NEMP2: variants seen among roughly 807,000 people sequenced by gnomAD.
NEMP2 encodes UPF0571 transmembrane protein.
Under a neutral mutation model 54.2 loss-of-function variants are expected in NEMP2, and 53 were observed. That is an observed-to-expected ratio of 0.98 (90% CI 0.78 to 1.23). NEMP2 has a LOEUF of 1.23. Among genes scored for constraint, NEMP2 ranks in the 50% most tolerant of loss-of-function variants. NEMP2 has a pLI of 0.00. For synonymous variants in NEMP2, 197 were observed against 190.3 expected, an observed-to-expected ratio of 1.04 and a Z score of -0.29; for missense variants, 455 against 511.3, an observed-to-expected ratio of 0.89 and a Z score of 1.06.
the NEMP2 span, among the ~76,000 whole-genome samples, chr2:190,429,489 C>G: frequency 6.6e-6 from 1 of 151,942 alleles, no homozygotes; most frequent in Non-Finnish European, 1.5e-5. Flanking sequence ...CCATGCCCAG[C>G]TAATTTTTGT....
chr2:190,636,050 A>G, the NEMP2 span, among the ~76,000 whole-genome samples: 1 of 152,132 alleles, frequency 6.6e-6, no homozygotes, highest in African/African-American at 2.4e-5. Flanking sequence ...TTTTTTGTAG[A>G]GACGGGATCT....
chr2:190,552,621 G>A, the NEMP2 span, among the ~76,000 whole-genome samples: 59 of 152,078 alleles, frequency 3.9e-4, no homozygotes, highest in African/African-American at 1.4e-3. Flanking sequence ...TTGGGAGGCT[G>A]AGGCAGAAAG....
the NEMP2 span, chr2:190,469,939 C>CTA: frequency 1.1e-6 from 1 of 944,840 alleles, no homozygotes; most frequent in Admixed American, 2.2e-5. This position sits in a 1 kb window ranked among gnomAD's most constrained non-coding sequence, Gnocchi z 5.3. Context: ...GCATCTGATT[C>CTA]TATAAAGGAA....
At chr2:190,639,646 T>G in the NEMP2 span, among the ~76,000 whole-genome samples, 14 of 146,600 alleles carry the variant, frequency 9.5e-5, no homozygotes, top group African/African-American at 2.5e-4. Context: ...GTTTTTTTTT[T>G]TTGTTTTTTG....
the NEMP2 span, among the ~76,000 whole-genome samples, chr2:190,552,101 A>G: frequency 7.2e-3 from 1,101 of 152,242 alleles, 18 homozygotes; most frequent in African/African-American, 0.024. Context: ...TGCACTCACA[A>G]CTTGTGGGTT....
At chr2:190,582,585 CA>C in the NEMP2 span, among the ~76,000 whole-genome samples, 1 of 152,080 alleles carries the variant, frequency 6.6e-6, no homozygotes, top group Non-Finnish European at 1.5e-5. The surrounding 1 kb of genome is among the most constrained non-coding windows in gnomAD (Gnocchi z 4.6). Flanking sequence ...GTAAATTAAT[CA>C]AAATAAATTA....
In NEMP2 at chr2:190,527,137, T is replaced by C. The variant is rs1690968501; in HGVS notation, c.98-1759A>G. Among the ~76,000 whole-genome samples the C allele has an allele frequency of 6.6e-6, 1 of 152,176 alleles. No homozygotes were observed. Among genetic ancestry groups the C allele is most frequent in the South Asian group, 2.1e-4 (1 of 4,826 alleles). On this transcript the variant is annotated intron_variant, in intron 1 of 8. Coordinates refer to ENST00000409150, the MANE Select transcript of NEMP2 (RefSeq NM_001142645.2). The surrounding 1 kb of genome is among the most constrained non-coding windows in gnomAD (Gnocchi z 4.0). ...CTTATGGGTACACAAAGAAATGGGCTTTACATCCAACCCCTGACTCCTTTA... is the reference window on the plus strand; with the variant it reads ...CTTATGGGTACACAAAGAAATGGGCCTTACATCCAACCCCTGACTCCTTTA...
At chr2:190,461,152 T>G in the NEMP2 span, among the ~76,000 whole-genome samples, 3 of 152,236 alleles carry the variant, frequency 2.0e-5, no homozygotes, top group Non-Finnish European at 4.4e-5. This position sits in a 1 kb window ranked among gnomAD's most constrained non-coding sequence, Gnocchi z 5.5. Context: ...TTGTATGGTT[T>G]TGAAGCCAAA....
the NEMP2 span, chr2:190,469,978 G>A: frequency 4.3e-5 from 28 of 657,730 alleles, no homozygotes; most frequent in Non-Finnish European, 3.1e-5. This position sits in a 1 kb window ranked among gnomAD's most constrained non-coding sequence, Gnocchi z 5.3. Context: ...ATGTGATTTT[G>A]AAGTGGTTGT....
Position 190,529,608 on chromosome 2 carries a change from T to G in NEMP2, c.98-4230A>C, listed in dbSNP as rs4073872. On this transcript the variant is annotated intron_variant, in intron 1 of 8. Coordinates refer to ENST00000409150, the MANE Select transcript of NEMP2 (RefSeq NM_001142645.2). This position sits in a 1 kb window ranked among gnomAD's most constrained non-coding sequence, Gnocchi z 4.7. ...TATTAGCTTATACTCTGTCTCTCCA[T>G]GAAGTCAGGGACATTGCATGTTTAT... Among the ~76,000 whole-genome samples, 4,392 of 152,298 alleles carry G rather than the reference T, an allele frequency of 0.029. 234 individuals are homozygous for G. Among genetic ancestry groups the G allele is most frequent in the African/African-American group, 0.099 (4,097 of 41,528 alleles).
At chr2:190,612,200 G>C in the NEMP2 span, among the ~76,000 whole-genome samples, 5 of 139,160 alleles carry the variant, frequency 3.6e-5, no homozygotes, top group African/African-American at 1.4e-4. Context: ...CTGTCACCCA[G>C]GCTGGAGTGC....
chr2:190,526,779 T>G (rs1392853040), intron 1 of NEMP2, among the ~76,000 whole-genome samples: 2 of 152,130 alleles, frequency 1.3e-5, no homozygotes, highest in African/African-American at 4.8e-5. Context: ...ATTGGTGGGA[T>G]TCTGTGAAGA....
At chr2:190,632,719 A>G in the NEMP2 span, among the ~76,000 whole-genome samples, 9 of 152,208 alleles carry the variant, frequency 5.9e-5, no homozygotes, top group Non-Finnish European at 1.2e-4. This position sits in a 1 kb window ranked among gnomAD's most constrained non-coding sequence, Gnocchi z 4.8. Flanking sequence ...GGTAAACTCT[A>G]TTCCCAACAT....
At chr2:190,574,917 C>T in the NEMP2 span, among the ~76,000 whole-genome samples, 2 of 151,238 alleles carry the variant, frequency 1.3e-5, no homozygotes, top group Non-Finnish European at 2.9e-5. Flanking sequence ...TACAGTGGTG[C>T]GATCTCAGCT....
At chr2:190,642,678 T>A in the NEMP2 span, among the ~76,000 whole-genome samples, 2 of 152,130 alleles carry the variant, frequency 1.3e-5, no homozygotes, top group African/African-American at 4.8e-5. This position sits in a 1 kb window ranked among gnomAD's most constrained non-coding sequence, Gnocchi z 4.1. Context: ...AATATGAATA[T>A]TCTACATGAC....
the NEMP2 span, among the ~76,000 whole-genome samples, chr2:190,601,540 G>C: frequency 6.6e-6 from 1 of 152,130 alleles, no homozygotes; most frequent in African/African-American, 2.4e-5. This position sits in a 1 kb window ranked among gnomAD's most constrained non-coding sequence, Gnocchi z 5.8. Context: ...CAAACATCTG[G>C]AATGAAACCT....
At chr2:190,467,582 T>TA in the NEMP2 span, among the ~76,000 whole-genome samples, 1 of 152,116 alleles carries the variant, frequency 6.6e-6, no homozygotes, top group African/African-American at 2.4e-5. This position sits in a 1 kb window ranked among gnomAD's most constrained non-coding sequence, Gnocchi z 5.5. Context: ...CACTGCTCTC[T>TA]AGCCTCGGCA....
the NEMP2 span, among the ~76,000 whole-genome samples, chr2:190,447,213 T>G: frequency 1.3e-5 from 2 of 152,226 alleles, no homozygotes; most frequent in African/African-American, 2.4e-5. The surrounding 1 kb of genome is among the most constrained non-coding windows in gnomAD (Gnocchi z 4.5). Flanking sequence ...ATTAGAGCTT[T>G]TCTAATCAGA....
At chr2:190,445,244 C>T in the NEMP2 span, among the ~76,000 whole-genome samples, 1 of 152,100 alleles carries the variant, frequency 6.6e-6, no homozygotes, top group African/African-American at 2.4e-5. Flanking sequence ...TGGAGTCAGG[C>T]AGATAGCAAA....
Sources: gnomAD v4.1 joint callset for allele counts (sites outside exome capture counted in the v4.1 genomes callset) on GRCh38, gnomAD v4.1.1 for gene constraint, Gnocchi (gnomAD v3.1) non-coding constraint, MANE v1.5 for transcripts, NCBI Gene and HGNC (gene_info 2026-07-23, HGNC 2026-07-21) for gene names.